The following PKIB variants were observed in gnomAD, a reference collection of about 807,000 sequenced individuals.
PKIB encodes cAMP-dependent protein kinase inhibitor beta.
A neutral mutation model predicts 4.5 loss-of-function variants in PKIB; 2 were observed. The ratio of observed to expected loss-of-function variants is 0.44; its 90% CI spans 0.18 to 1.39. The LOEUF (loss-of-function observed/expected upper bound fraction) is 1.39. Among genes scored for constraint, PKIB ranks in the 40% most tolerant of loss-of-function variants. The pLI, the probability that PKIB is intolerant of heterozygous loss-of-function variation, is 0.27. For synonymous variants in PKIB, 38 were observed against 36.0 expected, an observed-to-expected ratio of 1.06 and a Z score of -0.20; for missense variants, 94 against 92.6, an observed-to-expected ratio of 1.02 and a Z score of -0.06.
intron 1 of PKIB, among the ~76,000 whole-genome samples, chr6:122,620,141 A>C (rs1463313329): frequency 6.6e-6 from 1 of 152,152 alleles, no homozygotes; most frequent in Non-Finnish European, 1.5e-5. Context: ...CACTCTGGCT[A>C]TACCATCCTC....
At chr6:122,538,241 GAAGTCC>G (rs1486837919) in intron 2 of PKIB, among the ~76,000 whole-genome samples, 1 of 152,104 alleles carries the variant, frequency 6.6e-6, no homozygotes, top group Non-Finnish European at 1.5e-5. Context: ...TTTTAGACAT[GAAGTCC>G]TTGCCCATGC....
At chr6:122,652,332 GTGGA>G (rs1384730719) in intron 2 of PKIB, among the ~76,000 whole-genome samples, 1,180 of 54,690 alleles carry the variant, frequency 0.022, 15 homozygotes, top group African/African-American at 0.086. Context: ...GTGTGTGTGT[GTGGA>G]GAGAGAGAGA....
chr6:122,543,577 A>C (rs533823988), intron 2 of PKIB, among the ~76,000 whole-genome samples: 1 of 151,914 alleles, frequency 6.6e-6, no homozygotes, highest in Non-Finnish European at 1.5e-5. Context: ...GCAGTGTTTC[A>C]TCATGTTGGC....
intron 2 of PKIB, among the ~76,000 whole-genome samples, chr6:122,549,435 A>G (rs1026497270): frequency 6.6e-6 from 1 of 152,086 alleles, no homozygotes; most frequent in African/African-American, 2.4e-5. Flanking sequence ...TCCTCTAATT[A>G]TTTGTTTCAC....
chr6:122,533,348 TTTGTAGA>T (rs572152704), intron 2 of PKIB, among the ~76,000 whole-genome samples: 77 of 152,184 alleles, frequency 5.1e-4, no homozygotes, highest in African/African-American at 1.9e-3. Flanking sequence ...TTGTGTATTT[TTTGTAGA>T]AATGGGGTCT....
chr6:122,685,493 AAATT>A (rs1007751451), intron 3 of PKIB, among the ~76,000 whole-genome samples: 12 of 152,252 alleles, frequency 7.9e-5, no homozygotes, highest in Admixed American at 1.3e-4. Context: ...TAGCTTTTTA[AAATT>A]AATTAATTAA....
Position 122,703,734 on chromosome 6 carries a change from G to A in PKIB, c.-8-14053G>A, listed in dbSNP as rs142577998. On this transcript the variant is annotated intron_variant, in intron 3 of 4. Transcript: ENST00000368452. ...TGCAGGTGCCGTTCTTATGTAGAGC[G>A]TTTTTGCCATTCTTATGTAGAGCTT... is the stretch of plus-strand genomic sequence containing the variant. Among the ~76,000 whole-genome samples, 106 of 150,766 alleles carry A rather than the reference G, an allele frequency of 7.0e-4. 1 individual carries two copies. In the East Asian group the frequency reaches 0.016, roughly 23 times the overall value.
chr6:122,533,150 A>T (rs71553709), intron 2 of PKIB, among the ~76,000 whole-genome samples: 1 of 88,616 alleles, frequency 1.1e-5, no homozygotes, highest in African/African-American at 4.4e-5. Flanking sequence ...AAAACTTTTT[A>T]TTTATTTATT....
intron 1 of PKIB, among the ~76,000 whole-genome samples, chr6:122,473,218 C>T (rs1775357664): frequency 6.6e-6 from 1 of 152,176 alleles, no homozygotes; most frequent in Non-Finnish European, 1.5e-5. Flanking sequence ...ATCTCAAGTC[C>T]TTAAACTTTT....
At chr6:122,575,371 T>C (rs1773496743) in intron 2 of PKIB, among the ~76,000 whole-genome samples, 1 of 152,084 alleles carries the variant, frequency 6.6e-6, no homozygotes, top group African/African-American at 2.4e-5. Flanking sequence ...AAAGTAGAAC[T>C]ATCTTGCAGC....
chr6:122,689,855 G>GGC (rs938330617), intron 3 of PKIB, among the ~76,000 whole-genome samples: 4 of 152,064 alleles, frequency 2.6e-5, no homozygotes, highest in African/African-American at 4.8e-5. Flanking sequence ...GTGGGATGTT[G>GGC]AAGTCTCCAG....
At chr6:122,623,812 T>C (rs1775329725) in intron 1 of PKIB, among the ~76,000 whole-genome samples, 1 of 150,788 alleles carries the variant, frequency 6.6e-6, no homozygotes. Flanking sequence ...TTCTAAGATA[T>C]ACTGAAAGCT....
chr6:122,545,679 A>G (rs144716660), intron 2 of PKIB, among the ~76,000 whole-genome samples: 2,582 of 151,114 alleles, frequency 0.017, 42 homozygotes, highest in South Asian at 0.093. Flanking sequence ...AAAACTACCT[A>G]TCAGGTATTA....
At chr6:122,513,669 G>C (rs1184155308) in intron 2 of PKIB, among the ~76,000 whole-genome samples, 3 of 151,934 alleles carry the variant, frequency 2.0e-5, no homozygotes, top group Non-Finnish European at 4.4e-5. Context: ...TTATTGTCCC[G>C]ATCTTTAGTT....
At chr6:122,696,998 T>G (rs577196423) in intron 3 of PKIB, among the ~76,000 whole-genome samples, 1 of 152,180 alleles carries the variant, frequency 6.6e-6, no homozygotes, top group African/African-American at 2.4e-5. Flanking sequence ...CAACAGCAAG[T>G]TATTAGTCAT....
At chr6:122,593,164 G>A (rs1774066392) in intron 3 of PKIB, among the ~76,000 whole-genome samples, 1 of 152,154 alleles carries the variant, frequency 6.6e-6, no homozygotes, top group African/African-American at 2.4e-5. Flanking sequence ...GGCCAACTGT[G>A]TCTACAGATT....
Position 122,561,988 on chromosome 6 carries a change from G to GTTTGTGTTTTTTT in PKIB, c.-247-23930_-247-23929insGTGTTTTTTTTTT, listed in dbSNP as rs1554220234. 2.4e-3 allele frequency among the ~76,000 whole-genome samples: 58 copies of GTTTGTGTTTTTTT among 24,250 alleles called. 2 individuals carry two copies. Among genetic ancestry groups the GTTTGTGTTTTTTT allele is most frequent in the East Asian group, 5.2e-3 (3 of 578 alleles). 15.9% of individuals were successfully genotyped at this position (24,250 alleles called of 152,430 possible). A position where few individuals can be genotyped will look rare whatever the true frequency, so the allele number is the denominator to read the frequency against. ...TTGCCTGCATAGTTTTTTTTTGTTT[G>GTTTGTGTTTTTTT]TTTTTGTTTTTTTTTGTTTTTTTTT... On this transcript the variant is annotated intron_variant, in intron 2 of 6. Coordinates refer to the PKIB transcript ENST00000392491.
chr6:122,559,190 C>G (rs1469222485), intron 2 of PKIB, among the ~76,000 whole-genome samples: 1 of 151,608 alleles, frequency 6.6e-6, no homozygotes, highest in Non-Finnish European at 1.5e-5. Flanking sequence ...ACAAACAGTC[C>G]CCAAAAAGTG....
chr6:122,618,533 AG>A (rs1775085609), intron 1 of PKIB, among the ~76,000 whole-genome samples: 1 of 152,088 alleles, frequency 6.6e-6, no homozygotes, highest in African/African-American at 2.4e-5. Context: ...AAGAAAAAAA[AG>A]GTCTATTTAT....
Sources: allele counts gnomAD v4.1 joint callset (sites outside exome capture counted in the v4.1 genomes callset), GRCh38; gene constraint gnomAD v4.1.1; transcripts MANE v1.5; gene names NCBI Gene and HGNC (gene_info 2026-07-23, HGNC 2026-07-21).